MYOM2: variants seen among roughly 807,000 people sequenced by gnomAD.
The protein encoded by MYOM2 is myomesin-2.
A neutral mutation model predicts 187.6 loss-of-function variants in MYOM2; 254 were observed. The ratio of observed to expected loss-of-function variants is 1.35; its 90% CI spans 1.22 to 1.50. The LOEUF (loss-of-function observed/expected upper bound fraction) is 1.50, where lower values mean the gene tolerates loss of function less well. Ranked by LOEUF, MYOM2 falls within the 40% of genes most tolerant of loss-of-function variation. The pLI is 0.00. For synonymous variants in MYOM2, 981 were observed against 753.8 expected, an observed-to-expected ratio of 1.30 and a Z score of -4.94; for missense variants, 2,796 against 1,924.0, an observed-to-expected ratio of 1.45 and a Z score of -8.48.
Position 2,144,897 on chromosome 8 carries a change from C to T in MYOM2, c.4314C>T (p.His1438=), listed in dbSNP as rs745736323. The change falls in exon 37 of 37, where the codon CAC becomes CAT. Residue 1438 remains histidine, a synonymous_variant. Coordinates refer to ENST00000262113, the MANE Select transcript of MYOM2 (RefSeq NM_003970.4). ...ACGTGACAGTGAGCGTGTACAAACA[C>T]GGGGAGAAGATCCCGGACATGGCCC... ...KIDVTVSVYK[H]GEKIPDMAPP... 7.4e-6 allele frequency: 12 copies of T among 1,613,978 alleles called. No homozygotes were observed. In the East Asian group the frequency reaches 8.9e-5, roughly 12 times the overall value.
At chr8:2,123,765 AC>A in intron 30 of MYOM2, 123 bp downstream of exon 30, 1 of 794,924 alleles carries the variant, frequency 1.3e-6, no homozygotes, top group Non-Finnish European at 2.0e-6. Context: ...TTTAGCAGTA[AC>A]ACTGTAGAAA....
At chr8:2,140,037 C>T (rs1462351144) in intron 32 of MYOM2, among the ~76,000 whole-genome samples, 9 of 152,230 alleles carry the variant, frequency 5.9e-5, no homozygotes, top group Admixed American at 2.0e-4. Flanking sequence ...TCCTCCCACC[C>T]GAAACTCTGT....
rs747354811 is a variant in MYOM2, at chr8:2,123,400, A to G, written c.3567+35A>G. 7 of 1,539,798 alleles carry G rather than the reference A, an allele frequency of 4.5e-6. No individual in the cohort carries two copies. In the Admixed American group the frequency reaches 8.9e-5, roughly 20 times the overall value. The stretch of plus-strand genomic sequence containing the variant: ...ATTGAGTAACACAAGAAAGCAAAAC[A>G]AAAACGGCACTTTCAAATAACTCGT... On this transcript the variant is annotated intron_variant, in intron 29 of 36. Transcript: ENST00000262113.
intron 32 of MYOM2, among the ~76,000 whole-genome samples, chr8:2,130,119 C>G (rs996860694): frequency 4.0e-5 from 6 of 149,306 alleles, no homozygotes; most frequent in Non-Finnish European, 5.9e-5. Context: ...TAACGCCCCT[C>G]AGTACGCTAT....
chr8:2,116,381 G>A (rs1797246401), intron 27 of MYOM2, 106 bp downstream of exon 27: 5 of 1,125,348 alleles, frequency 4.4e-6, no homozygotes, highest in East Asian at 2.6e-5. Flanking sequence ...AACCCTAAAG[G>A]CTGTTTTAAA....
chr8:2,141,141 C>T lies in MYOM2; in HGVS notation c.3965C>T (p.Ala1322Val). ...TAACGTATGAACTATTTCCTCACAG[C>T]TTTTGATGAAGCATTTGCAGAATTC... ...HQRSLDLSGQ[A>V]FDEAFAEFQQ... Residue 1322 changes from alanine to valine, a missense_variant and splice_region_variant, in exon 34 of 37, where the codon GCT (alanine) becomes GTT (valine). By Grantham distance (64) the Ala-to-Val change is moderately conservative. Coordinates refer to ENST00000262113, the MANE Select transcript of MYOM2 (RefSeq NM_003970.4). 1 of 1,611,480 alleles carries T rather than the reference C, an allele frequency of 6.2e-7. No individual in the cohort carries two copies. The highest frequency in any genetic ancestry group is 8.5e-7 in the Non-Finnish European group (1 of 1,178,198).
chr8:2,090,129 ACCGG>A lies in MYOM2; in HGVS notation c.1768_1771del (p.Arg590MetfsTer3). 6.2e-7 allele frequency: 1 copy of A among 1,614,074 alleles called. No individual in the cohort carries two copies. The highest frequency in any genetic ancestry group is 8.5e-7 in the Non-Finnish European group (1 of 1,180,002). Reference sequence around the variant, plus strand: ...TATGTGTTCCGAGTGCTGTCAGCAAACCGGCATGGCCTGAGCGAACCTTCGGAGA... The same window carrying A: ...TATGTGTTCCGAGTGCTGTCAGCAAACATGGCCTGAGCGAACCTTCGGAGA... On this transcript the variant is annotated frameshift_variant, in exon 15 of 37. Transcript: ENST00000262113. LOFTEE classifies it high-confidence loss of function.
chr8:2,085,431 A>C, intron 14 of MYOM2, 41 bp downstream of exon 14: 1 of 1,519,938 alleles, frequency 6.6e-7, no homozygotes, highest in Non-Finnish European at 8.9e-7. Flanking sequence ...AGATCTCTGC[A>C]TGGCCCCCCA....
chr8:2,069,725 C>T (rs1370997717), intron 8 of MYOM2, among the ~76,000 whole-genome samples: 1 of 152,118 alleles, frequency 6.6e-6, no homozygotes, highest in African/African-American at 2.4e-5. Context: ...TTTCAGAGAG[C>T]TCCTCCAAGT....
chr8:2,130,634 G>C (rs1264474842), intron 32 of MYOM2, among the ~76,000 whole-genome samples: 2 of 152,224 alleles, frequency 1.3e-5, no homozygotes, highest in Admixed American at 6.5e-5. Context: ...TCTTATAATG[G>C]AGTCAGTACA....
intron 32 of MYOM2, among the ~76,000 whole-genome samples, chr8:2,134,937 C>T (rs887316102): frequency 6.6e-6 from 1 of 152,126 alleles, no homozygotes; most frequent in East Asian, 1.9e-4. Flanking sequence ...AGCCGCGGGT[C>T]TTACATGCTC....
intron 19 of MYOM2, chr8:2,100,608 C>T: frequency 2.1e-6 from 1 of 466,398 alleles, no homozygotes; most frequent in South Asian, 3.2e-5. Flanking sequence ...ATCGCATCTG[C>T]TGGTCCCGAG....
intron 3 of MYOM2, among the ~76,000 whole-genome samples, chr8:2,052,774 G>A (rs186137577): frequency 3.0e-4 from 45 of 152,346 alleles, no homozygotes; most frequent in Admixed American, 6.5e-4. Flanking sequence ...AGGAACAGCC[G>A]TGGAGGGGTG....
At position 2,092,489 on chromosome 8, in the gene MYOM2, C is replaced by T; in HGVS notation, c.1972C>T (p.Pro658Ser). The change falls in exon 16 of 37, where the codon CCC becomes TCC. Residue 658 changes from proline (P) to serine (S), a missense_variant. Pro to Ser is a moderately conservative substitution (Grantham distance 74). Transcript: ENST00000262113. ...TGTGGCCGGAACCAACCTCTGGGAG[C>T]CCTGCAACCACAAGCCCATCGGATA... Reference protein sequence around the residue: ...CCVAGTNLWEPCNHKPIGYNR... With the variant: ...CCVAGTNLWESCNHKPIGYNR... The T allele has an allele frequency of 6.2e-7, 1 of 1,614,072 alleles. No homozygotes were observed. Among genetic ancestry groups the T allele is most frequent in the Non-Finnish European group, 8.5e-7 (1 of 1,180,006 alleles).
At chr8:2,118,625 C>T (rs994708002) in intron 28 of MYOM2, among the ~76,000 whole-genome samples, 14 of 152,104 alleles carry the variant, frequency 9.2e-5, no homozygotes, top group Admixed American at 8.5e-4. Flanking sequence ...AAAGATGGTT[C>T]TAGGAAGATC....
In MYOM2 at chr8:2,092,524, C is replaced by T. The variant is rs377669488; in HGVS notation, c.2003+4C>T. 1.9e-5 allele frequency: 30 copies of T among 1,613,196 alleles called. No homozygotes were observed. Among genetic ancestry groups the T allele is most frequent in the South Asian group, 7.7e-5 (7 of 90,998 alleles). ...ACAAGCCCATCGGATACAACAGGTG[C>T]GGCCTCCCTCCCCAGCCCTGGAGTC... On this transcript the variant is annotated splice_donor_region_variant and intron_variant, in intron 16 of 36. Transcript: ENST00000262113.
At chr8:2,129,365 T>C in intron 32 of MYOM2, 133 bp downstream of exon 32, 1 of 567,844 alleles carries the variant, frequency 1.8e-6, no homozygotes. Context: ...TTTTGAGCAA[T>C]GATGACAACC....
intron 13 of MYOM2, among the ~76,000 whole-genome samples, chr8:2,080,870 G>C (rs1352170850): frequency 7.1e-6 from 1 of 141,276 alleles, no homozygotes; most frequent in African/African-American, 3.1e-5. Context: ...GTTCTGATCT[G>C]CGGGAGGAAC....
chr8:2,131,703 G>A (rs933986948), intron 32 of MYOM2, among the ~76,000 whole-genome samples: 2 of 148,072 alleles, frequency 1.4e-5, no homozygotes, highest in African/African-American at 5.0e-5. Context: ...GAGTGCAGTG[G>A]TGCGATCTCG....
Sources: allele counts gnomAD v4.1 joint callset (sites outside exome capture counted in the v4.1 genomes callset), GRCh38; gene constraint gnomAD v4.1.1; transcripts MANE v1.5; gene names NCBI Gene and HGNC (gene_info 2026-07-23, HGNC 2026-07-21).